Variants in ITGB5 observed in about 807,000 individuals in gnomAD.
The protein encoded by ITGB5 is integrin beta-5.
ITGB5 carries 38 observed loss-of-function variants against 84.8 expected under a neutral mutation model. The observed-to-expected ratio is 0.45, with a 90% CI of 0.35 to 0.59. The LOEUF is 0.59. ITGB5 is among the 20% of genes least tolerant of loss of function. The pLI is 0.01. For synonymous variants in ITGB5, 393 were observed against 414.4 expected, an observed-to-expected ratio of 0.95 and a Z score of 0.63; for missense variants, 905 against 1,034.5, an observed-to-expected ratio of 0.87 and a Z score of 1.72.
chr3:124,889,011 AG>A (rs1184158887), upstream of ITGB5, among the ~76,000 whole-genome samples: 1 of 152,198 alleles, frequency 6.6e-6, no homozygotes, highest in Non-Finnish European at 1.5e-5. Flanking sequence ...AATAAATCTC[AG>A]GGCCCCCAAA....
intron 10 of ITGB5, among the ~76,000 whole-genome samples, chr3:124,785,454 A>G (rs1419910345): frequency 6.6e-6 from 1 of 151,946 alleles, no homozygotes; most frequent in South Asian, 2.1e-4. Context: ...GTGTGGTGGC[A>G]GGCGCCTGTA....
At chr3:124,794,767 G>C (rs1479659861) in intron 10 of ITGB5, among the ~76,000 whole-genome samples, 1 of 149,918 alleles carries the variant, frequency 6.7e-6, no homozygotes, top group Non-Finnish European at 1.5e-5. Flanking sequence ...AGGCAACAGA[G>C]CGAGACTTCA....
intron 1 of ITGB5, among the ~76,000 whole-genome samples, chr3:124,884,864 G>T (rs1021136244): frequency 6.6e-6 from 1 of 152,338 alleles, no homozygotes; most frequent in Middle Eastern, 3.4e-3. Flanking sequence ...TAGAGGGGAA[G>T]GGCAAGTCAC....
At chr3:124,858,235 A>G (rs2065246431) in intron 3 of ITGB5, among the ~76,000 whole-genome samples, 1 of 152,090 alleles carries the variant, frequency 6.6e-6, no homozygotes, top group African/African-American at 2.4e-5. Context: ...ATAAGTAATT[A>G]TATTACCGTT....
chr3:124,856,411 C>G (rs59574236), intron 3 of ITGB5, among the ~76,000 whole-genome samples: 3,562 of 152,248 alleles, frequency 0.023, 129 homozygotes, highest in African/African-American at 0.081. Flanking sequence ...GGAGAGAACA[C>G]CACAGGCTTT....
At chr3:124,893,355 C>T (rs1375400632) in intron 1 of ITGB5, among the ~76,000 whole-genome samples, 1 of 152,126 alleles carries the variant, frequency 6.6e-6, no homozygotes, top group Non-Finnish European at 1.5e-5. Flanking sequence ...TTGCAGTGAG[C>T]CAAGATCGCA....
chr3:124,884,424 G>C (rs1300030636), intron 1 of ITGB5, among the ~76,000 whole-genome samples: 1 of 152,158 alleles, frequency 6.6e-6, no homozygotes, highest in Non-Finnish European at 1.5e-5. Flanking sequence ...GCAGAGGCCA[G>C]CCGTGGTGGC....
At chr3:124,886,219 T>A (rs1413692825) in intron 1 of ITGB5, among the ~76,000 whole-genome samples, 2 of 152,064 alleles carry the variant, frequency 1.3e-5, no homozygotes, top group Admixed American at 6.5e-5. Flanking sequence ...GCTCCGAGCG[T>A]GTGCAAATCG....
chr3:124,873,871 C>CA (rs1446181954), intron 1 of ITGB5, among the ~76,000 whole-genome samples: 25 of 142,510 alleles, frequency 1.8e-4, no homozygotes, highest in African/African-American at 5.6e-4. Context: ...AAAAATAGTA[C>CA]AAAAAGAAAA....
chr3:124,770,555 G>A (rs2063826627), intron 11 of ITGB5, among the ~76,000 whole-genome samples: 1 of 152,238 alleles, frequency 6.6e-6, no homozygotes, highest in Non-Finnish European at 1.5e-5. Flanking sequence ...TGCAGAAACT[G>A]CGAAGTGGAG....
chr3:124,828,070 C>A (rs961674692), intron 5 of ITGB5, among the ~76,000 whole-genome samples: 10 of 149,756 alleles, frequency 6.7e-5, no homozygotes, highest in Non-Finnish European at 1.3e-4. Flanking sequence ...CTTTATTGTT[C>A]GCGCAAAGCC....
intron 5 of ITGB5, among the ~76,000 whole-genome samples, chr3:124,825,537 ACAC>A (rs1174657460): frequency 1.3e-5 from 2 of 152,236 alleles, no homozygotes; most frequent in Admixed American, 1.3e-4. Flanking sequence ...TACTGATAAC[ACAC>A]CACAACATGG....
chr3:124,764,349 G>A (rs770855430), intron 14 of ITGB5, 42 bp downstream of exon 14: 40 of 1,580,552 alleles, frequency 2.5e-5, no homozygotes, highest in African/African-American at 6.7e-5. Context: ...CCACGCCTCT[G>A]AGCTTGAAGT....
At chr3:124,772,359 T>C (rs2063858600) in intron 11 of ITGB5, among the ~76,000 whole-genome samples, 1 of 152,214 alleles carries the variant, frequency 6.6e-6, no homozygotes, top group Non-Finnish European at 1.5e-5. Flanking sequence ...GGGTTATTTA[T>C]GGCAAATGTC....
At chr3:124,806,821 G>A (rs1399678680) in intron 9 of ITGB5, among the ~76,000 whole-genome samples, 1 of 149,544 alleles carries the variant, frequency 6.7e-6, no homozygotes, top group Non-Finnish European at 1.5e-5. Context: ...CATCTGGATT[G>A]AGCAATCATT....
At chr3:124,844,205 C>CAAA (rs58956636) in intron 4 of ITGB5, among the ~76,000 whole-genome samples, 1 of 85,914 alleles carries the variant, frequency 1.2e-5, no homozygotes, top group Non-Finnish European at 2.2e-5. Flanking sequence ...TTGGTTTTGG[C>CAAA]AAAAAAAAAA....
chr3:124,851,045 T>A (rs2065145552), intron 3 of ITGB5, among the ~76,000 whole-genome samples: 1 of 152,248 alleles, frequency 6.6e-6, no homozygotes, highest in Non-Finnish European at 1.5e-5. Flanking sequence ...CACCTACAAC[T>A]TATTTTATCC....
chr3:124,798,071 T>TTTTTTTTTTTTTTTTTTTG (rs2064259522), intron 9 of ITGB5, among the ~76,000 whole-genome samples: 1 of 149,184 alleles, frequency 6.7e-6, no homozygotes, highest in African/African-American at 2.5e-5. Flanking sequence ...TTTTTTTTTT[T>TTTTTTTTTTTTTTTTTTTG]GAGGTGGAGT....
intron 1 of ITGB5, among the ~76,000 whole-genome samples, chr3:124,880,268 T>C (rs998159890): frequency 2.6e-5 from 4 of 152,190 alleles, no homozygotes; most frequent in Non-Finnish European, 4.4e-5. Context: ...AGGTAAACAC[T>C]AAAGAAATCT....
Sources: gnomAD v4.1 joint callset for allele counts (sites outside exome capture counted in the v4.1 genomes callset) on GRCh38, gnomAD v4.1.1 for gene constraint, MANE v1.5 for transcripts, NCBI Gene and HGNC (gene_info 2026-07-23, HGNC 2026-07-21) for gene names.